Variants in OXR1 observed in about 807,000 individuals in gnomAD.
OXR1 encodes the protein oxidation resistance protein 1.
A neutral mutation model predicts 104.6 loss-of-function variants in OXR1; 41 were observed. The ratio of observed to expected loss-of-function variants is 0.39; its 90% CI spans 0.31 to 0.51. OXR1 has a LOEUF of 0.51. OXR1 is among the 20% of genes least tolerant of loss of function. OXR1 has a pLI of 0.77. For missense variants in OXR1, 955 were observed against 1,031.9 expected (o/e 0.93, Z 1.02); for synonymous variants, 348 against 348.4 (o/e 1.00, Z 0.01).
chr8:106,732,282 A>AT (rs1833960684), intron 11 of OXR1, among the ~76,000 whole-genome samples: 1 of 152,082 alleles, frequency 6.6e-6, no homozygotes, highest in African/African-American at 2.4e-5. Context: ...ATTCTTTGGG[A>AT]TTTTTTATAC....
At chr8:106,590,751 T>A (rs1026752751) in intron 3 of OXR1, among the ~76,000 whole-genome samples, 1 of 152,158 alleles carries the variant, frequency 6.6e-6, no homozygotes, top group African/African-American at 2.4e-5. Flanking sequence ...TACTAGTAAA[T>A]GCAAAAAGAA....
At chr8:106,504,773 T>A (rs1812046787) in intron 2 of OXR1, among the ~76,000 whole-genome samples, 1 of 152,208 alleles carries the variant, frequency 6.6e-6, no homozygotes, top group African/African-American at 2.4e-5. Context: ...CTGCTTTAAA[T>A]AGTTATGTCA....
rs373912641 is a variant in OXR1 at position 106,338,343 on chromosome 8, G to T, written c.-138-21133G>T. On this transcript the variant is annotated intron_variant, in intron 1 of 16. Transcript: ENST00000517566. ...GTAATCCCAGCACTTTGGGAGGCCG[G>T]GGTGGGCGGATCACCTGAGGTCAGA... is the stretch of plus-strand genomic sequence containing the variant. Among the ~76,000 whole-genome samples the T allele has an allele frequency of 7.9e-5, 12 of 151,900 alleles. No homozygotes were observed. In the East Asian group the frequency reaches 1.7e-3, roughly 22 times the overall value.
chr8:106,630,007 A>T (rs186217188), intron 3 of OXR1, among the ~76,000 whole-genome samples: 1 of 152,312 alleles, frequency 6.6e-6, no homozygotes, highest in Non-Finnish European at 1.5e-5. Flanking sequence ...CTGCCTTTAC[A>T]TTTATTAGAC....
intron 6 of OXR1, among the ~76,000 whole-genome samples, chr8:106,692,145 T>G (rs1412304890): frequency 6.6e-6 from 1 of 152,094 alleles, no homozygotes; most frequent in East Asian, 1.9e-4. Flanking sequence ...AGAAGCTGGT[T>G]CATAGGCTTC....
rs972434558 is a variant in OXR1, at chr8:106,369,109, T to A, written c.23+9473T>A. Among the ~76,000 whole-genome samples the A allele has an allele frequency of 4.1e-4, 62 of 152,230 alleles. 2 individuals carry two copies. Among genetic ancestry groups the A allele is most frequent in the Non-Finnish European group, 7.3e-5 (5 of 68,044 alleles). On this transcript the variant is annotated intron_variant, in intron 2 of 16. Coordinates refer to ENST00000517566, the MANE Select transcript of OXR1 (RefSeq NM_001198533.2). The stretch of plus-strand genomic sequence containing the variant: ...AATCACCATTCTGACTGGCATGAGA[T>A]GGTATCTCACTGTGGTTTTGATTTT...
chr8:106,633,297 T>C (rs1211205864), intron 3 of OXR1, among the ~76,000 whole-genome samples: 1 of 151,870 alleles, frequency 6.6e-6, no homozygotes, highest in Non-Finnish European at 1.5e-5. Flanking sequence ...TATTGCATAA[T>C]AAAAAACACT....
chr8:106,542,735 G>A (rs1356969040), intron 3 of OXR1, among the ~76,000 whole-genome samples: 3 of 151,692 alleles, frequency 2.0e-5, no homozygotes, highest in South Asian at 2.1e-4. Flanking sequence ...AAGTAGTATC[G>A]CTGCAAGAAA....
At chr8:106,666,791 C>T (rs1009607305) in intron 3 of OXR1, among the ~76,000 whole-genome samples, 2 of 152,140 alleles carry the variant, frequency 1.3e-5, no homozygotes, top group South Asian at 2.1e-4. Context: ...TATCCAGGAT[C>T]GGGGTGGGGG....
At chr8:106,584,509 G>A (rs915519650) in intron 3 of OXR1, among the ~76,000 whole-genome samples, 4 of 152,042 alleles carry the variant, frequency 2.6e-5, no homozygotes, top group African/African-American at 9.7e-5. Context: ...TCATGAGGGA[G>A]ACATATTCAT....
intron 1 of OXR1, among the ~76,000 whole-genome samples, chr8:106,336,839 T>C (rs1214284860): frequency 6.6e-6 from 1 of 152,230 alleles, no homozygotes; most frequent in African/African-American, 2.4e-5. Flanking sequence ...ATAATGGCTC[T>C]TTAATAACCT....
intron 2 of OXR1, among the ~76,000 whole-genome samples, chr8:106,494,417 A>G (rs1487027354): frequency 6.6e-6 from 1 of 151,968 alleles, no homozygotes; most frequent in African/African-American, 2.4e-5. Context: ...ACGACCTTTC[A>G]CCACACACAC....
chr8:106,709,543 A>G (rs1283630309), intron 9 of OXR1, among the ~76,000 whole-genome samples: 1 of 151,860 alleles, frequency 6.6e-6, no homozygotes, highest in African/African-American at 2.4e-5. Flanking sequence ...TTTGAAAAAG[A>G]TAAAATAATC....
Position 106,270,296 on chromosome 8 carries a change from C to T in OXR1, c.-210C>T, listed in dbSNP as rs1330683099. ...GCGCCGGCGCCGCGCCGCCCAGCCCCGCCGAGAGGGGCGCACTCGCCGCCG... is the reference window on the plus strand; with the variant it reads ...GCGCCGGCGCCGCGCCGCCCAGCCCTGCCGAGAGGGGCGCACTCGCCGCCG... On this transcript the variant is annotated 5_prime_UTR_variant, in exon 1 of 17. Coordinates refer to ENST00000517566, the MANE Select transcript of OXR1 (RefSeq NM_001198533.2). 2.6e-5 allele frequency: 4 copies of T among 152,240 alleles called. No homozygotes were observed. Among genetic ancestry groups the T allele is most frequent in the African/African-American group, 9.7e-5 (4 of 41,412 alleles). The allele number at this position is 152,240 out of a possible 1,614,324, so 9.4% of individuals were successfully genotyped here.
At chr8:106,596,173 C>T (rs1819512691) in intron 3 of OXR1, among the ~76,000 whole-genome samples, 1 of 152,196 alleles carries the variant, frequency 6.6e-6, no homozygotes, top group East Asian at 1.9e-4. Flanking sequence ...GGGCTGGATG[C>T]AGTGGCTCAC....
Position 106,359,458 on chromosome 8 carries a change from T to C in OXR1, c.-138-18T>C, listed in dbSNP as rs1816147431. ...AGACCAGGTACTAGAGATATTCATT[T>C]ATTTCTTTTCTTTATAGGTCCTCTC... On this transcript the variant is annotated intron_variant, in intron 1 of 16. Coordinates refer to ENST00000517566, the MANE Select transcript of OXR1 (RefSeq NM_001198533.2). 1.6e-6 allele frequency: 1 copy of C among 623,668 alleles called. No individual in the cohort carries two copies. The highest frequency in any genetic ancestry group is 2.9e-6 in the Non-Finnish European group (1 of 345,660). 38.6% of individuals were successfully genotyped at this position (623,668 alleles called of 1,614,324 possible).
intron 2 of OXR1, among the ~76,000 whole-genome samples, chr8:106,371,482 T>A (rs1356567521): frequency 6.6e-6 from 1 of 152,176 alleles, no homozygotes. Context: ...TGAATTGTGA[T>A]GTTAGGGTGT....
chr8:106,660,607 C>T (rs1825662847), intron 3 of OXR1, among the ~76,000 whole-genome samples: 1 of 152,122 alleles, frequency 6.6e-6, no homozygotes, highest in Non-Finnish European at 1.5e-5. Context: ...TTCTCACAAC[C>T]CAACATCGGA....
chr8:106,577,119 C>T (rs7387021), intron 3 of OXR1, among the ~76,000 whole-genome samples: 76,274 of 151,862 alleles, frequency 0.5, 19,373 homozygotes, highest in African/African-American at 0.54. Context: ...AGTATTTGCT[C>T]CATGAAATTA....
Sources: gnomAD v4.1 joint callset for allele counts (sites outside exome capture counted in the v4.1 genomes callset) on GRCh38, gnomAD v4.1.1 for gene constraint, MANE v1.5 for transcripts, NCBI Gene and HGNC (gene_info 2026-07-23, HGNC 2026-07-21) for gene names.